Variants in PCDH15 observed in about 807,000 individuals in gnomAD.
PCDH15 encodes protocadherin related 15.
A neutral mutation model predicts 178.5 loss-of-function variants in PCDH15; 129 were observed. The ratio of observed to expected loss-of-function variants is 0.72; its 90% CI spans 0.63 to 0.84. The LOEUF is 0.84. PCDH15 is among the 40% of genes least tolerant of loss of function. PCDH15 has a pLI of 0.00. For synonymous variants in PCDH15, 800 were observed against 732.0 expected, an observed-to-expected ratio of 1.09 and a Z score of -1.50; for missense variants, 2,230 against 2,099.9, an observed-to-expected ratio of 1.06 and a Z score of -1.21.
At chr10:54,755,120 C>G (rs886607292) in intron 1 of PCDH15, among the ~76,000 whole-genome samples, 2 of 151,786 alleles carry the variant, frequency 1.3e-5, no homozygotes, top group Non-Finnish European at 2.9e-5. Context: ...TCAGTAGAGA[C>G]AGGGTTTTGC....
At chr10:54,576,119 G>C (rs547024828) in intron 2 of PCDH15, among the ~76,000 whole-genome samples, 320 of 102,782 alleles carry the variant, frequency 3.1e-3, no homozygotes, top group African/African-American at 0.01. Context: ...ATTTATCTAT[G>C]TATGTACGTA....
chr10:54,866,229 T>C (rs1953939515), intron 3 of PCDH15, among the ~76,000 whole-genome samples: 1 of 152,212 alleles, frequency 6.6e-6, no homozygotes, highest in Non-Finnish European at 1.5e-5. Flanking sequence ...ATTGAAGGTA[T>C]TGCTTTTTTT....
intron 2 of PCDH15, among the ~76,000 whole-genome samples, chr10:55,623,583 A>C (rs2132174128): frequency 6.6e-6 from 1 of 152,132 alleles, no homozygotes; most frequent in South Asian, 2.1e-4. Flanking sequence ...ATAACACTAT[A>C]GTTAATGAAA....
rs140528842 is a variant in PCDH15, at chr10:53,896,751, T to C, written c.3501+6492A>G. Among the ~76,000 whole-genome samples the C allele has an allele frequency of 1.7e-4, 26 of 152,210 alleles. 1 individual carries two copies. In the East Asian group the frequency reaches 5.0e-3, roughly 29 times the overall value. On this transcript the variant is annotated intron_variant, in intron 26 of 37. Transcript: ENST00000644397. ...GATCAGTGGCAGCATCAGGTTCTTATAGGAACATAAACCCTATCGTGACCT... is the reference window on the plus strand; with the variant it reads ...GATCAGTGGCAGCATCAGGTTCTTACAGGAACATAAACCCTATCGTGACCT...
intron 2 of PCDH15, among the ~76,000 whole-genome samples, chr10:55,338,700 A>C (rs931218869): frequency 3.3e-5 from 5 of 152,042 alleles, no homozygotes; most frequent in Non-Finnish European, 7.4e-5. Flanking sequence ...CCCAGGAGGG[A>C]GATGGCAAAT....
In PCDH15 at chr10:53,950,774, G is replaced by A. The variant is rs1319859735; in HGVS notation, c.3122+8958C>T. 2.0e-5 allele frequency among the ~76,000 whole-genome samples: 3 copies of A among 152,130 alleles called. No homozygotes were observed. The East Asian group carries it at 5.8e-4, about 29-fold the overall frequency. On this transcript the variant is annotated intron_variant, in intron 23 of 37. Coordinates refer to ENST00000644397, the MANE Select transcript of PCDH15 (RefSeq NM_001384140.1). ...TAGTATGTGTTTGAACTACTATTAG[G>A]ATTTTGCTATTTCTGTAGGGTTTAA... is the stretch of plus-strand genomic sequence containing the variant.
chr10:53,823,058 T>A, intron 32 of PCDH15: 3 of 1,614,102 alleles, frequency 1.9e-6, no homozygotes, highest in Non-Finnish European at 2.5e-6. Context: ...TCTTGGCTTG[T>A]ATTTTGGGTG....
At chr10:53,863,869 A>C (rs1015849265) in intron 27 of PCDH15, among the ~76,000 whole-genome samples, 1 of 152,148 alleles carries the variant, frequency 6.6e-6, no homozygotes, top group Non-Finnish European at 1.5e-5. Context: ...AAAGAAGGCA[A>C]AGAATGTTGG....
At chr10:54,139,837 G>C (rs917691600) in intron 14 of PCDH15, among the ~76,000 whole-genome samples, 5 of 152,004 alleles carry the variant, frequency 3.3e-5, no homozygotes, top group African/African-American at 1.2e-4. Context: ...TTTTAGGAAG[G>C]TGATAATGAA....
At chr10:54,132,539 G>T (rs1190939025) in intron 15 of PCDH15, among the ~76,000 whole-genome samples, 1 of 152,166 alleles carries the variant, frequency 6.6e-6, no homozygotes, top group Admixed American at 6.5e-5. Context: ...ATACAAGACA[G>T]AAAATAATAG....
chr10:53,989,783 G>A (rs1296651165), intron 21 of PCDH15, among the ~76,000 whole-genome samples: 3 of 152,044 alleles, frequency 2.0e-5, no homozygotes, highest in Non-Finnish European at 2.9e-5. Context: ...CTGCTACATT[G>A]TTAGCAATAA....
chr10:55,141,100 A>T (rs1258004622), intron 2 of PCDH15, among the ~76,000 whole-genome samples: 7 of 151,926 alleles, frequency 4.6e-5, no homozygotes, highest in Non-Finnish European at 1.0e-4. Flanking sequence ...TCTTCTGCAA[A>T]ATTTAGAAAG....
At chr10:54,867,232 T>C (rs1030133987) in intron 3 of PCDH15, among the ~76,000 whole-genome samples, 2 of 152,154 alleles carry the variant, frequency 1.3e-5, no homozygotes, top group Admixed American at 6.6e-5. Flanking sequence ...TATAGTGTTG[T>C]GCATTGGGAT....
At chr10:53,874,217 G>A (rs2080066270) in intron 26 of PCDH15, among the ~76,000 whole-genome samples, 2 of 152,080 alleles carry the variant, frequency 1.3e-5, no homozygotes, top group Non-Finnish European at 2.9e-5. Context: ...AAGGCCCCAA[G>A]CCTACTCATG....
At chr10:55,299,588 A>C (rs1843218905) in intron 1 of PCDH15, among the ~76,000 whole-genome samples, 1 of 152,204 alleles carries the variant, frequency 6.6e-6, no homozygotes, top group African/African-American at 2.4e-5. Flanking sequence ...TTTATCTGGC[A>C]ATAATTGGCC....
chr10:53,991,504 G>T (rs567876728), intron 21 of PCDH15, among the ~76,000 whole-genome samples: 1 of 151,878 alleles, frequency 6.6e-6, no homozygotes, highest in South Asian at 2.1e-4. Context: ...TCAGCACCCT[G>T]TGTCTAGCTC....
intron 1 of PCDH15, among the ~76,000 whole-genome samples, chr10:54,763,193 A>G (rs1948098386): frequency 6.6e-6 from 1 of 152,130 alleles, no homozygotes; most frequent in Admixed American, 6.6e-5. Flanking sequence ...CACAAAGGGT[A>G]ATACCGGGGA....
intron 1 of PCDH15, among the ~76,000 whole-genome samples, chr10:54,697,063 C>G (rs932560791): frequency 6.6e-6 from 1 of 152,102 alleles, no homozygotes; most frequent in Non-Finnish European, 1.5e-5. Flanking sequence ...ATGCACATCA[C>G]TGAACCCAGC....
intron 15 of PCDH15, among the ~76,000 whole-genome samples, chr10:54,100,975 T>A (rs2136153143): frequency 6.6e-6 from 1 of 152,238 alleles, no homozygotes; most frequent in Non-Finnish European, 1.5e-5. Flanking sequence ...TCTGAAAATG[T>A]GTCTAAGATA....
Sources: gnomAD v4.1 joint callset for allele counts (sites outside exome capture counted in the v4.1 genomes callset) on GRCh38, gnomAD v4.1.1 for gene constraint, MANE v1.5 for transcripts, NCBI Gene and HGNC (gene_info 2026-07-23, HGNC 2026-07-21) for gene names.